The following LRRC7 variants were observed in gnomAD, a reference collection of about 807,000 sequenced individuals.
LRRC7 encodes leucine-rich repeat-containing protein 7.
In LRRC7, 23 loss-of-function variants were observed where a neutral mutation model predicts 175.7. That is an observed-to-expected ratio of 0.13 (90% CI 0.09 to 0.19). LRRC7 has a LOEUF of 0.19. Among genes scored for constraint, LRRC7 ranks in the 10% least tolerant of loss-of-function variants. LRRC7 has a pLI of 1.00. For missense variants in LRRC7, 1,354 were observed against 1,904.7 expected (o/e 0.71, Z 5.38); for synonymous variants, 685 against 680.9 (o/e 1.01, Z -0.09).
At chr1:69,697,597 A>G (rs1218328119) in intron 2 of LRRC7, among the ~76,000 whole-genome samples, 2 of 152,248 alleles carry the variant, frequency 1.3e-5, no homozygotes, top group Non-Finnish European at 2.9e-5. Flanking sequence ...CAGGGGCTAT[A>G]CACTAATGAT....
intron 5 of LRRC7, among the ~76,000 whole-genome samples, chr1:69,833,027 C>T (rs1348714253): frequency 6.6e-6 from 1 of 151,270 alleles, no homozygotes; most frequent in East Asian, 2.0e-4. Context: ...ATCACTGTAA[C>T]CTGGGAGGCG....
At chr1:69,706,838 C>T (rs978332770) in intron 2 of LRRC7, among the ~76,000 whole-genome samples, 2 of 152,144 alleles carry the variant, frequency 1.3e-5, no homozygotes, top group Admixed American at 1.3e-4. Context: ...AACACACTAC[C>T]TATGTCATAG....
intron 2 of LRRC7, among the ~76,000 whole-genome samples, chr1:69,746,427 C>T (rs769190897): frequency 2.0e-4 from 31 of 151,906 alleles, no homozygotes; most frequent in Admixed American, 5.3e-4. Flanking sequence ...TGGTTTTGTT[C>T]TCTCTGTGGA....
At chr1:69,815,540 C>T (rs1413445403) in intron 4 of LRRC7, among the ~76,000 whole-genome samples, 2 of 152,144 alleles carry the variant, frequency 1.3e-5, no homozygotes. Flanking sequence ...ATGTGCAGCA[C>T]AGCTTGATCC....
At chr1:69,603,456 G>A (rs1280305586) in intron 1 of LRRC7, among the ~76,000 whole-genome samples, 1 of 152,108 alleles carries the variant, frequency 6.6e-6, no homozygotes, top group Admixed American at 6.6e-5. Flanking sequence ...AAATAATTTA[G>A]TATGTTATCG....
At chr1:69,797,518 T>G (rs1441119820) in intron 4 of LRRC7, among the ~76,000 whole-genome samples, 1 of 152,292 alleles carries the variant, frequency 6.6e-6, no homozygotes, top group Non-Finnish European at 1.5e-5. Flanking sequence ...AAGCAAAAAT[T>G]CATTCTCTTC....
At chr1:69,878,906 C>G (rs1022652510) in intron 7 of LRRC7, among the ~76,000 whole-genome samples, 9 of 147,700 alleles carry the variant, frequency 6.1e-5, no homozygotes, top group Non-Finnish European at 1.0e-4. Context: ...TGTATATATA[C>G]ATATATTTAT....
intron 8 of LRRC7, among the ~76,000 whole-genome samples, chr1:69,965,218 G>A (rs1393139357): frequency 6.6e-6 from 1 of 152,156 alleles, no homozygotes; most frequent in Non-Finnish European, 1.5e-5. Context: ...ATTGGTTTGG[G>A]AAACATATAG....
chr1:69,585,073 TA>T lies in LRRC7; in HGVS notation c.2+16433del, dbSNP rs759499496. Among the ~76,000 whole-genome samples the T allele has an allele frequency of 4.4e-4, 67 of 152,314 alleles. 1 individual carries two copies. The Middle Eastern group carries it at 0.01, about 23-fold the overall frequency. On this transcript the variant is annotated intron_variant, in intron 1 of 26. Coordinates refer to ENST00000651989, the MANE Select transcript of LRRC7 (RefSeq NM_001370785.2). ...CATTGATTGTAAACTGCTAGACTGA[TA>T]CACAGTTATATCTTCCTGATATTTT... is the stretch of plus-strand genomic sequence containing the variant.
chr1:69,805,723 A>G (rs930446801), intron 4 of LRRC7, among the ~76,000 whole-genome samples: 1 of 151,768 alleles, frequency 6.6e-6, no homozygotes, highest in Non-Finnish European at 1.5e-5. Flanking sequence ...AGGTTTTTTT[A>G]TTATTATCAT....
chr1:69,637,566 A>T (rs1653582984), intron 1 of LRRC7, among the ~76,000 whole-genome samples: 1 of 151,908 alleles, frequency 6.6e-6, no homozygotes. Flanking sequence ...TGGAAAATTG[A>T]CTGGATTTTT....
chr1:69,755,061 A>C (rs1670261552), intron 2 of LRRC7, among the ~76,000 whole-genome samples: 1 of 152,024 alleles, frequency 6.6e-6, no homozygotes, highest in Admixed American at 6.6e-5. Context: ...GATAAGTGTC[A>C]GAAGAGTTGA....
rs754345124 is a variant in LRRC7 at position 70,018,745 on chromosome 1, A to G, written c.1347A>G (p.Thr449=). Reference sequence around the variant, plus strand: ...CCAAAGCCCTTATCCCTTTACAAACAGAAGCCCATCCAGAAACAAAGCAAA... The same window carrying G: ...CCAAAGCCCTTATCCCTTTACAAACGGAAGCCCATCCAGAAACAAAGCAAA... ...NQSKALIPLQ[T]EAHPETKQRV... is the part of the protein sequence containing the mutation. Residue 449 remains threonine, a synonymous_variant, in exon 15 of 27, where the codon ACA becomes ACG. Transcript: ENST00000651989. 6.4e-5 allele frequency: 103 copies of G among 1,612,688 alleles called. No homozygotes were observed. The highest frequency in any genetic ancestry group is 2.7e-4 in the Admixed American group (16 of 59,972).
chr1:69,590,548 T>C (rs1246682455), intron 1 of LRRC7, among the ~76,000 whole-genome samples: 19 of 152,088 alleles, frequency 1.2e-4, no homozygotes, highest in Non-Finnish European at 2.6e-4. Context: ...TCCGTAACAA[T>C]GGGGATTGGA....
rs150236793 is a variant in LRRC7, at chr1:69,723,153, A to C, written c.101-37038A>C. ...CGAAGCAGTTAGGTAATTCTTATAG[A>C]TATTAATGACAGGATGTCTGTCTTC... On this transcript the variant is annotated intron_variant, in intron 2 of 26. Transcript: ENST00000651989. Among the ~76,000 whole-genome samples, 307 of 152,222 alleles carry C rather than the reference A, an allele frequency of 2.0e-3. 1 individual carries two copies. The highest frequency in any genetic ancestry group is 6.9e-3 in the African/African-American group (287 of 41,574).
chr1:69,717,138 A>G (rs1001656284), intron 2 of LRRC7, among the ~76,000 whole-genome samples: 2 of 151,714 alleles, frequency 1.3e-5, no homozygotes, highest in Non-Finnish European at 3.0e-5. Context: ...CTTATTCAAT[A>G]GTAATGATTA....
At chr1:69,690,220 T>C (rs1661672215) in intron 2 of LRRC7, among the ~76,000 whole-genome samples, 1 of 152,214 alleles carries the variant, frequency 6.6e-6, no homozygotes, top group African/African-American at 2.4e-5. Flanking sequence ...CACCTCTGGC[T>C]TAGCAAATCA....
chr1:69,773,381 G>C (rs1422562567), intron 3 of LRRC7, among the ~76,000 whole-genome samples: 1 of 152,170 alleles, frequency 6.6e-6, no homozygotes, highest in Non-Finnish European at 1.5e-5. Context: ...GGACATGATA[G>C]ACACTGAAGT....
chr1:69,889,273 C>T (rs1189138730), intron 7 of LRRC7, among the ~76,000 whole-genome samples: 1 of 152,112 alleles, frequency 6.6e-6, no homozygotes, highest in Non-Finnish European at 1.5e-5. Flanking sequence ...CATTGATTGA[C>T]TCTTCCTTTC....
Sources: allele counts gnomAD v4.1 joint callset (sites outside exome capture counted in the v4.1 genomes callset), GRCh38; gene constraint gnomAD v4.1.1; transcripts MANE v1.5; gene names NCBI Gene and HGNC (gene_info 2026-07-23, HGNC 2026-07-21).